CFI: variants seen among roughly 807,000 people sequenced by gnomAD.
CFI encodes the protein C3B/C4B inactivator.
Under a neutral mutation model 78.8 loss-of-function variants are expected in CFI, and 66 were observed. That is an observed-to-expected ratio of 0.84 (90% CI 0.69 to 1.03). The LOEUF is 1.03. Among genes scored for constraint, CFI ranks in the 50% least tolerant of loss-of-function variants. The probability of loss-of-function intolerance (pLI) is 0.00; values close to 1 mark genes in which losing one functional copy is unlikely to be tolerated. For missense variants in CFI, 706 were observed against 704.5 expected (o/e 1.00, Z -0.02); for synonymous variants, 250 against 232.6 (o/e 1.07, Z -0.68).
chr4:109,762,060 C>T (rs1334798670), intron 3 of CFI: 1 of 286,760 alleles, frequency 3.5e-6, no homozygotes, highest in Non-Finnish European at 6.8e-6. Flanking sequence ...GTGTGGTGGC[C>T]TACACCTGTA....
intron 6 of CFI, among the ~76,000 whole-genome samples, chr4:109,758,676 G>A (rs1027779723): frequency 2.0e-4 from 31 of 152,354 alleles, no homozygotes; most frequent in African/African-American, 7.2e-4. Flanking sequence ...GCAAAAGATT[G>A]TGGGGCACTT....
intron 6 of CFI, among the ~76,000 whole-genome samples, chr4:109,758,891 G>C (rs9647471): frequency 3.3e-5 from 5 of 152,062 alleles, no homozygotes; most frequent in African/African-American, 9.7e-5. Flanking sequence ...CCAAGAGTTC[G>C]AGACGAGCCT....
chr4:109,790,721 G>A (rs1185831424), intron 1 of CFI, among the ~76,000 whole-genome samples: 2 of 152,070 alleles, frequency 1.3e-5, no homozygotes, highest in Admixed American at 6.6e-5. Flanking sequence ...TTTGTTTACT[G>A]AGGAAATGGC....
chr4:109,759,284 A>T (rs1172528760), intron 6 of CFI, among the ~76,000 whole-genome samples: 1 of 152,038 alleles, frequency 6.6e-6, no homozygotes, highest in African/African-American at 2.4e-5. Flanking sequence ...TAGTATGAAA[A>T]AAATTGGGGT....
chr4:109,752,134 G>A (rs759694683), intron 8 of CFI, among the ~76,000 whole-genome samples: 1 of 152,120 alleles, frequency 6.6e-6, no homozygotes, highest in Non-Finnish European at 1.5e-5. Flanking sequence ...AAAAAATTAT[G>A]TCATGAGTCA....
At chr4:109,787,126 A>G (rs1258925099) in intron 1 of CFI, among the ~76,000 whole-genome samples, 2 of 152,094 alleles carry the variant, frequency 1.3e-5, no homozygotes, top group African/African-American at 4.8e-5. Context: ...AAAGTTGTAT[A>G]CCACTGAGAT....
chr4:109,776,257 C>T (rs1328167203), intron 1 of CFI, among the ~76,000 whole-genome samples: 1 of 152,016 alleles, frequency 6.6e-6, no homozygotes, highest in Non-Finnish European at 1.5e-5. Flanking sequence ...CTAGAATAAC[C>T]AGTGTAGAGA....
At chr4:109,772,780 C>T (rs1366462359) in intron 1 of CFI, among the ~76,000 whole-genome samples, 1 of 152,078 alleles carries the variant, frequency 6.6e-6, no homozygotes, top group Admixed American at 6.6e-5. Flanking sequence ...GATGGGGCCT[C>T]ACTATGTTGC....
intron 1 of CFI, among the ~76,000 whole-genome samples, chr4:109,778,027 G>A (rs1579274147): frequency 6.6e-6 from 1 of 152,130 alleles, no homozygotes; most frequent in African/African-American, 2.4e-5. Flanking sequence ...ACAAGAGAAA[G>A]CAGGAAAGAT....
rs117647003 is a variant in CFI, at chr4:109,786,727, A to G, written c.57+15188T>C. ...ATCCTTCTGATCCTGTTCCTCTTCT[A>G]TAAAATGTGGAAAATAAAAATAATG... On this transcript the variant is annotated intron_variant, in intron 1 of 12. Transcript: ENST00000394634. 4.3e-4 allele frequency among the ~76,000 whole-genome samples: 66 copies of G among 152,238 alleles called. No individual in the cohort carries two copies. The East Asian group carries it at 9.3e-3, about 21-fold the overall frequency.
intron 1 of CFI, among the ~76,000 whole-genome samples, chr4:109,800,283 G>A (rs1332405894): frequency 7.2e-6 from 1 of 138,262 alleles, no homozygotes. Flanking sequence ...GCACAATTAT[G>A]GTAGGTAATC....
intron 1 of CFI, among the ~76,000 whole-genome samples, chr4:109,801,621 C>A (rs894581957): frequency 2.0e-5 from 3 of 152,096 alleles, no homozygotes; most frequent in African/African-American, 7.2e-5. Flanking sequence ...CAGGAGGAGC[C>A]TGGTAAATAT....
chr4:109,764,590 G>T lies in CFI; in HGVS notation c.429C>A (p.Ser143Arg). 6.2e-7 allele frequency: 1 copy of T among 1,614,104 alleles called. No homozygotes were observed. The highest frequency in any genetic ancestry group is 8.5e-7 in the Non-Finnish European group (1 of 1,180,018). Reference sequence around the variant, plus strand: ...CGTTGGCTTCCCTCATGCTCCAGCTGCTTTTGCATATGAACATTGTCTTAT... The same window carrying T: ...CGTTGGCTTCCCTCATGCTCCAGCTTCTTTTGCATATGAACATTGTCTTAT... ...DQDKTMFICK[S>R]SWSMREANVA... Residue 143 changes from serine (S) to arginine (R), a missense_variant, in exon 3 of 13, where the codon AGC (serine) becomes AGA (arginine). Transcript: ENST00000394634.
rs147009071 is a variant in CFI, at chr4:109,742,901, A to G, written c.1430-306T>C. Among the ~76,000 whole-genome samples the G allele has an allele frequency of 6.6e-4, 101 of 152,350 alleles. 1 individual carries two copies. The East Asian group carries it at 0.019, about 29-fold the overall frequency. On this transcript the variant is annotated intron_variant, in intron 11 of 12. Coordinates refer to ENST00000394634, the MANE Select transcript of CFI (RefSeq NM_000204.5). ...GCAGAACTCAGTCAGGCAATTGGAT[A>G]GGAATCAGTGATAAGGTCTTTTCAC...
chr4:109,742,700 C>A lies in CFI; in HGVS notation c.1430-105G>T, dbSNP rs956887366. 1.1e-5 allele frequency: 8 copies of A among 739,730 alleles called. No homozygotes were observed. In the African/African-American group the frequency reaches 1.2e-4, roughly 11 times the overall value. 45.8% of individuals were successfully genotyped at this position (739,730 alleles called of 1,614,324 possible). A position where few individuals can be genotyped will look rare whatever the true frequency, so the allele number is the denominator to read the frequency against. ...GGATTATGAAAGGGTGTATAGTTTT[C>A]AATATATATAAATTTTTGAGAACTC... is the stretch of plus-strand genomic sequence containing the variant. On this transcript the variant is annotated intron_variant, in intron 11 of 12. Coordinates refer to ENST00000394634, the MANE Select transcript of CFI (RefSeq NM_000204.5).
At chr4:109,745,757 A>G (rs1724330846) in intron 11 of CFI, among the ~76,000 whole-genome samples, 1 of 152,020 alleles carries the variant, frequency 6.6e-6, no homozygotes, top group Admixed American at 6.6e-5. Flanking sequence ...CCCTTTGTAA[A>G]CCTTTTTATC....
chr4:109,795,225 C>A (rs1180444496), intron 1 of CFI, among the ~76,000 whole-genome samples: 2 of 152,124 alleles, frequency 1.3e-5, no homozygotes, highest in African/African-American at 4.8e-5. Context: ...GACGGTGGCA[C>A]CAGGCCTGCC....
At chr4:109,801,812 T>C (rs1490004702) in intron 1 of CFI, 103 bp downstream of exon 1, 3 of 754,874 alleles carry the variant, frequency 4.0e-6, no homozygotes, top group Non-Finnish European at 6.7e-6. Flanking sequence ...AACTGAACTA[T>C]GTAATATTTA....
chr4:109,793,089 A>G (rs1416380881), intron 1 of CFI, among the ~76,000 whole-genome samples: 2 of 152,068 alleles, frequency 1.3e-5, no homozygotes, highest in African/African-American at 4.8e-5. Flanking sequence ...TTCATATTCA[A>G]CTATTTCAGT....
Sources: allele counts gnomAD v4.1 joint callset (sites outside exome capture counted in the v4.1 genomes callset), GRCh38; gene constraint gnomAD v4.1.1; transcripts MANE v1.5; gene names NCBI Gene and HGNC (gene_info 2026-07-23, HGNC 2026-07-21).